Variants in SSMEM1 observed in about 807,000 individuals in gnomAD.
The protein encoded by SSMEM1 is serine rich single-pass membrane protein 1, also known as serine-rich single-pass membrane protein 1.
Under a neutral mutation model 9.9 loss-of-function variants are expected in SSMEM1, and 12 were observed. That is an observed-to-expected ratio of 1.21 (90% confidence interval 0.78 to 1.96). The LOEUF (loss-of-function observed/expected upper bound fraction) is 1.96. Among genes scored for constraint, SSMEM1 ranks in the 30% most tolerant of loss-of-function variants. The pLI is 0.00. For missense variants in SSMEM1, 259 were observed against 292.2 expected, an observed-to-expected ratio of 0.89 and a Z score of 0.83; for synonymous variants, 96 against 98.9, an observed-to-expected ratio of 0.97 and a Z score of 0.17.
chr7:130,213,559 T>C (rs751944899), intron 2 of SSMEM1, 25 bp downstream of exon 2: 4 of 1,605,572 alleles, frequency 2.5e-6, no homozygotes, highest in Non-Finnish European at 3.4e-6. Flanking sequence ...ATATTTGGTG[T>C]TGGACTATGA....
chr7:130,205,640 A>G, upstream of SSMEM1: 1 of 597,086 alleles, frequency 1.7e-6, no homozygotes, highest in Non-Finnish European at 3.0e-6. Flanking sequence ...GTAAAAAGTA[A>G]TAATTGTAAC....
upstream of SSMEM1, among the ~76,000 whole-genome samples, chr7:130,205,902 C>G (rs962924085): frequency 6.6e-6 from 1 of 152,070 alleles, no homozygotes; most frequent in Admixed American, 6.5e-5. Flanking sequence ...TCTCGATTTC[C>G]TAACCTCAAG....
upstream of SSMEM1, chr7:130,206,908 C>A: frequency 4.7e-6 from 1 of 214,272 alleles, no homozygotes; most frequent in Non-Finnish European, 9.9e-6. Flanking sequence ...ATCACTTGAG[C>A]CTGGGAAGCC....
chr7:130,216,254 A>G lies in SSMEM1; in HGVS notation c.519A>G (p.Pro173=). 1 of 1,614,174 alleles carries G rather than the reference A, an allele frequency of 6.2e-7. No homozygotes were observed. Among genetic ancestry groups the G allele is most frequent in the African/African-American group, 1.3e-5 (1 of 75,044 alleles). ...GTGAAAGTGAACACCACCCATCACC[A>G]GACAGTATTAAGAGGAGAAAAATGG... The part of the protein sequence containing the change: ...KESESEHHPS[P]DSIKRRKMAQ... The change falls in exon 3 of 3, where the codon CCA becomes CCG. Residue 173 remains proline (P), a synonymous_variant. Transcript: ENST00000297819.
intron 1 of SSMEM1, among the ~76,000 whole-genome samples, chr7:130,210,733 AGTC>A (rs1396843871): frequency 1.3e-5 from 2 of 152,234 alleles, no homozygotes; most frequent in Non-Finnish European, 2.9e-5. Context: ...TCACTCACTG[AGTC>A]ACAAAGACAG....
chr7:130,207,210 A>G (rs1342510380), upstream of SSMEM1, among the ~76,000 whole-genome samples: 1 of 152,222 alleles, frequency 6.6e-6, no homozygotes, highest in East Asian at 1.9e-4. Context: ...CCATAACGCA[A>G]TATCACAGAC....
chr7:130,214,790 C>T (rs1198322037), intron 2 of SSMEM1, among the ~76,000 whole-genome samples: 2 of 152,188 alleles, frequency 1.3e-5, no homozygotes, highest in East Asian at 1.9e-4. Context: ...GTAGTGGCTA[C>T]AGGGATGATA....
chr7:130,207,412 G>A (rs1017598914), upstream of SSMEM1, among the ~76,000 whole-genome samples: 1 of 152,098 alleles, frequency 6.6e-6, no homozygotes, highest in Admixed American at 6.5e-5. Context: ...TATTGGATTA[G>A]GGCCCTTATG....
At chr7:130,212,730 AAAAAACAAAAAC>A (rs985468480) in intron 1 of SSMEM1, among the ~76,000 whole-genome samples, 14 of 152,040 alleles carry the variant, frequency 9.2e-5, no homozygotes, top group African/African-American at 3.1e-4. Context: ...CGTCTCAAAA[AAAAAACAAAAAC>A]AAAAACAAAA....
chr7:130,216,346 T>C lies in SSMEM1; in HGVS notation c.611T>C (p.Leu204Ser). 6.2e-7 allele frequency: 1 copy of C among 1,614,180 alleles called. No homozygotes were observed. The highest frequency in any genetic ancestry group is 8.5e-7 in the Non-Finnish European group (1 of 1,180,034). The change falls in exon 3 of 3, where the codon TTG (leucine) becomes TCG (serine). Residue 204 changes from leucine (L) to serine (S), a missense_variant. Coordinates refer to ENST00000297819, the MANE Select transcript of SSMEM1 (RefSeq NM_145268.4). ...AGGCACTGCCTCCACTGCAAAGCCT[T>C]GAGAACCAACGAATGGTTGGCGCAC... ...SERHCLHCKA[L>S]RTNEWLAHHS...
upstream of SSMEM1, chr7:130,207,071 TGTAGTTCATA>T (rs1285964804): frequency 6.2e-6 from 1 of 160,180 alleles, no homozygotes; most frequent in Admixed American, 6.4e-5. Flanking sequence ...ATGCATTTGA[TGTAGTTCATA>T]GTAGTTCATA....
At chr7:130,210,149 T>C (rs189547444) in intron 1 of SSMEM1, among the ~76,000 whole-genome samples, 2 of 152,350 alleles carry the variant, frequency 1.3e-5, no homozygotes, top group Admixed American at 1.3e-4. Context: ...TAGTTTGAAA[T>C]GTCCACTTAG....
At chr7:130,211,160 C>CTTT (rs59732545) in intron 1 of SSMEM1, among the ~76,000 whole-genome samples, 25 of 133,954 alleles carry the variant, frequency 1.9e-4, no homozygotes, top group South Asian at 2.4e-4. Flanking sequence ...AAAGTGGTAT[C>CTTT]TTTTTTTTTT....
intron 1 of SSMEM1, among the ~76,000 whole-genome samples, chr7:130,211,122 T>A (rs988238927): frequency 6.6e-6 from 1 of 151,932 alleles, no homozygotes; most frequent in Non-Finnish European, 1.5e-5. Flanking sequence ...TTTAAAATAT[T>A]TAAGCCTCTT....
At chr7:130,209,309 G>T (rs1225216623) in intron 1 of SSMEM1, among the ~76,000 whole-genome samples, 1 of 152,208 alleles carries the variant, frequency 6.6e-6, no homozygotes, top group African/African-American at 2.4e-5. Context: ...GAGCTCGGAT[G>T]GGGTGGAGAA....
chr7:130,205,545 G>T, upstream of SSMEM1: 1 of 1,024,814 alleles, frequency 9.8e-7, no homozygotes, highest in Non-Finnish European at 1.5e-6. Context: ...AGCGTTACCA[G>T]GGAAACAGGT....
At position 130,213,477 on chromosome 7, in the gene SSMEM1, CAG is replaced by C. The variant is rs769715513; in HGVS notation, c.184-1_184del. On this transcript the variant is annotated splice_acceptor_variant, in intron 1 of 2. Transcript: ENST00000297819. LOFTEE classifies it high-confidence loss of function. ...CTCTTACTAACCTATGTTTCTGAAA[CAG>C]ATGTCTGAGGATAAAAAGGATGAAG... 284 of 1,608,650 alleles carry C rather than the reference CAG, an allele frequency of 1.8e-4. No individual in the cohort carries two copies. Among genetic ancestry groups the C allele is most frequent in the Non-Finnish European group, 2.3e-4 (273 of 1,176,866 alleles).
intron 1 of SSMEM1, among the ~76,000 whole-genome samples, chr7:130,211,257 A>T (rs1310226502): frequency 6.7e-6 from 1 of 149,488 alleles, no homozygotes; most frequent in African/African-American, 2.5e-5. Context: ...TCTCAGGTTC[A>T]CACCATTCTC....
At chr7:130,210,019 C>T (rs1030921668) in intron 1 of SSMEM1, among the ~76,000 whole-genome samples, 1 of 152,204 alleles carries the variant, frequency 6.6e-6, no homozygotes, top group Non-Finnish European at 1.5e-5. Flanking sequence ...CTCCCCCACT[C>T]ATTTTTTTAT....
Sources: gnomAD v4.1 joint callset for allele counts (sites outside exome capture counted in the v4.1 genomes callset) on GRCh38, gnomAD v4.1.1 for gene constraint, MANE v1.5 for transcripts, NCBI Gene and HGNC (gene_info 2026-07-23, HGNC 2026-07-21) for gene names.